The following ENOX1 variants were observed in gnomAD, a reference collection of about 807,000 sequenced individuals.
ENOX1 encodes the protein candidate growth-related and time keeping constitutive hydroquinone (NADH) oxidase.
In ENOX1, 42 loss-of-function variants were observed where a neutral mutation model predicts 82.5. The ratio of observed to expected loss-of-function variants is 0.51; its 90% CI spans 0.40 to 0.66. The LOEUF (loss-of-function observed/expected upper bound fraction) is 0.66. Among genes scored for constraint, ENOX1 ranks in the 30% least tolerant of loss-of-function variants. ENOX1 has a pLI of 0.00. For missense variants in ENOX1, 608 were observed against 811.6 expected (o/e 0.75, Z 3.05); for synonymous variants, 271 against 282.2 (o/e 0.96, Z 0.40).
chr13:43,487,985 T>C lies in ENOX1; in HGVS notation c.-218-3833A>G, dbSNP rs535707744. On this transcript the variant is annotated intron_variant, in intron 2 of 16. Coordinates refer to ENST00000690772, the MANE Select transcript of ENOX1 (RefSeq NM_001347969.2). ...AATCTCATCATTTATAGATTTAACATATAGTTCCTCTGGATACATTCATTT... is the reference window on the plus strand; with the variant it reads ...AATCTCATCATTTATAGATTTAACACATAGTTCCTCTGGATACATTCATTT... Among the ~76,000 whole-genome samples, 5 of 152,334 alleles carry C rather than the reference T, an allele frequency of 3.3e-5. No individual in the cohort carries two copies. In the East Asian group the frequency reaches 9.6e-4, roughly 29 times the overall value.
intron 2 of ENOX1, among the ~76,000 whole-genome samples, chr13:43,540,214 A>G (rs2153693405): frequency 1.3e-5 from 2 of 152,340 alleles, no homozygotes; most frequent in Non-Finnish European, 2.9e-5. Flanking sequence ...TGAACCAAGT[A>G]TCAGATCTGG....
intron 11 of ENOX1, among the ~76,000 whole-genome samples, chr13:43,303,507 G>T (rs887101530): frequency 2.6e-5 from 4 of 152,140 alleles, no homozygotes; most frequent in Non-Finnish European, 4.4e-5. Context: ...GGTGCCATGT[G>T]AGCAGTCTCA....
intron 12 of ENOX1, among the ~76,000 whole-genome samples, chr13:43,292,945 G>A (rs2046084808): frequency 6.6e-6 from 1 of 150,646 alleles, no homozygotes; most frequent in Admixed American, 6.6e-5. Context: ...CCCCAACATG[G>A]CCACCTTCTC....
intron 2 of ENOX1, among the ~76,000 whole-genome samples, chr13:43,616,091 T>TATATCTATATCTATATAGATAG (rs2082400932): frequency 2.3e-5 from 1 of 43,986 alleles, no homozygotes; most frequent in South Asian, 1.1e-3. Flanking sequence ...ATTATATATA[T>TATATCTATATCTATATAGATAG]ATATCTATAT....
At chr13:43,758,748 T>G (rs549401769) in intron 1 of ENOX1, among the ~76,000 whole-genome samples, 5 of 152,316 alleles carry the variant, frequency 3.3e-5, no homozygotes, top group African/African-American at 9.6e-5. Context: ...TTTCCTTATC[T>G]GTAAAATGGG....
rs560723399 is a variant in ENOX1 at position 43,315,922 on chromosome 13, G to C, written c.1261+6462C>G. Among the ~76,000 whole-genome samples the C allele has an allele frequency of 1.1e-4, 17 of 152,304 alleles. 1 individual carries two copies. The South Asian group carries it at 2.9e-3, about 26-fold the overall frequency. ...CTGTAATGTAGATAATGGTGTTCCT[G>C]GCAGTCAATAAGCATCAGGGCACTT... is the stretch of plus-strand genomic sequence containing the variant. On this transcript the variant is annotated intron_variant, in intron 11 of 16. Coordinates refer to ENST00000690772, the MANE Select transcript of ENOX1 (RefSeq NM_001347969.2).
intron 14 of ENOX1, among the ~76,000 whole-genome samples, chr13:43,263,650 A>G (rs1428788986): frequency 1.3e-5 from 2 of 152,248 alleles, no homozygotes; most frequent in African/African-American, 4.8e-5. Context: ...GAACCTCACA[A>G]TTACAAGTAC....
At chr13:43,668,341 T>A (rs1407085821) in intron 1 of ENOX1, among the ~76,000 whole-genome samples, 1 of 152,150 alleles carries the variant, frequency 6.6e-6, no homozygotes, top group Non-Finnish European at 1.5e-5. Flanking sequence ...AGTGCTAGAA[T>A]CATAAGAAAT....
At chr13:43,410,953 C>T (rs1296966380) in intron 5 of ENOX1, among the ~76,000 whole-genome samples, 1 of 152,130 alleles carries the variant, frequency 6.6e-6, no homozygotes, top group Non-Finnish European at 1.5e-5. Flanking sequence ...TTGTTTACTG[C>T]GGGAGCCCCT....
At chr13:43,335,452 T>C (rs552006570) in intron 9 of ENOX1, among the ~76,000 whole-genome samples, 1 of 152,286 alleles carries the variant, frequency 6.6e-6, no homozygotes, top group Non-Finnish European at 1.5e-5. Context: ...TTGTCCAGTG[T>C]AGCTCAGAGA....
At chr13:43,526,119 C>G (rs1270429804) in intron 2 of ENOX1, among the ~76,000 whole-genome samples, 1 of 152,082 alleles carries the variant, frequency 6.6e-6, no homozygotes, top group Non-Finnish European at 1.5e-5. Flanking sequence ...GATTATACAA[C>G]AATATAGTGT....
rs529937924 is a variant in ENOX1 at position 43,476,089 on chromosome 13, T to C, written c.-75+7920A>G. Among the ~76,000 whole-genome samples, 3 of 152,262 alleles carry C rather than the reference T, an allele frequency of 2.0e-5. No homozygotes were observed. In the East Asian group the frequency reaches 5.8e-4, roughly 29 times the overall value. On this transcript the variant is annotated intron_variant, in intron 3 of 16. Coordinates refer to ENST00000690772, the MANE Select transcript of ENOX1 (RefSeq NM_001347969.2). Reference sequence around the variant, plus strand: ...GTTTCAATAGATGAAAGATGATTAATAGAAACTTTAATATCTCTCCAAGTC... The same window carrying C: ...GTTTCAATAGATGAAAGATGATTAACAGAAACTTTAATATCTCTCCAAGTC...
At chr13:43,429,302 G>A (rs1183476626) in intron 3 of ENOX1, among the ~76,000 whole-genome samples, 4 of 152,124 alleles carry the variant, frequency 2.6e-5, no homozygotes, top group African/African-American at 9.7e-5. Flanking sequence ...CTTTAGATAG[G>A]CCCTCTGAAA....
rs867922999 is a variant in ENOX1 at position 43,332,561 on chromosome 13, T to G, written c.1037-6036A>C. Among the ~76,000 whole-genome samples, 580 of 152,232 alleles carry G rather than the reference T, an allele frequency of 3.8e-3. 2 individuals are homozygous for G. Among genetic ancestry groups the G allele is most frequent in the African/African-American group, 0.013 (557 of 41,544 alleles). On this transcript the variant is annotated intron_variant, in intron 9 of 16. Transcript: ENST00000690772. ...CACAGTATATAAAAAAACAGGATGT[T>G]TTAAGCAAATTTCAAGCAAGCAAGA...
At chr13:43,622,356 T>A (rs2082772734) in intron 2 of ENOX1, among the ~76,000 whole-genome samples, 1 of 152,226 alleles carries the variant, frequency 6.6e-6, no homozygotes, top group South Asian at 2.1e-4. Context: ...TTTTTCTGGT[T>A]CCTTCTCATT....
intron 14 of ENOX1, among the ~76,000 whole-genome samples, chr13:43,262,436 T>TTGTC (rs2044127945): frequency 6.6e-6 from 1 of 152,182 alleles, no homozygotes; most frequent in Non-Finnish European, 1.5e-5. Context: ...AATAATTTAT[T>TTGTC]TGTCTCAGAC....
At chr13:43,243,211 G>T in intron 14 of ENOX1, among the ~76,000 whole-genome samples, 1 of 149,216 alleles carries the variant, frequency 6.7e-6, no homozygotes, top group East Asian at 2.0e-4. Flanking sequence ...ATAATTTTAT[G>T]ACTAAAACCC....
At chr13:43,322,529 G>A in intron 10 of ENOX1, 28 bp from the exon 11 acceptor site, 2 of 1,589,908 alleles carry the variant, frequency 1.3e-6, no homozygotes, top group South Asian at 2.2e-5. Context: ...ACAAATGTCA[G>A]AGTCACAGAC....
In ENOX1 at chr13:43,360,025, G is replaced by A. The variant is rs1330147327; in HGVS notation, c.415C>T (p.Pro139Ser). 1 of 1,614,098 alleles carries A rather than the reference G, an allele frequency of 6.2e-7. No homozygotes were observed. Among genetic ancestry groups the A allele is most frequent in the Non-Finnish European group, 8.5e-7 (1 of 1,180,032 alleles). ...LPPPSTRERP[P>S]GCKTVFVGGL... ...CCGACAAACACGGTCTTACACCCAG[G>A]AGGTCGTTCTCTTGTGGAAGGAGGT... Residue 139 changes from proline to serine, a missense_variant, in exon 7 of 17, where the codon CCT (proline) becomes TCT (serine). Physicochemically the swap from Pro to Ser is moderately conservative, Grantham distance 74. Coordinates refer to ENST00000690772, the MANE Select transcript of ENOX1 (RefSeq NM_001347969.2).
Sources: gnomAD v4.1 joint callset for allele counts (sites outside exome capture counted in the v4.1 genomes callset) on GRCh38, gnomAD v4.1.1 for gene constraint, MANE v1.5 for transcripts, NCBI Gene and HGNC (gene_info 2026-07-23, HGNC 2026-07-21) for gene names.